Variants in PRKCB observed in about 807,000 individuals in gnomAD.
PRKCB encodes the protein protein kinase C beta type.
A neutral mutation model predicts 81.5 loss-of-function variants in PRKCB; 13 were observed. That is an observed-to-expected ratio of 0.16 (90% CI 0.10 to 0.25). The LOEUF is 0.25. PRKCB is among the 10% of genes least tolerant of loss of function. The probability of loss-of-function intolerance (pLI) is 1.00; values close to 1 mark genes in which losing one functional copy is unlikely to be tolerated. For missense variants in PRKCB, 509 were observed against 875.7 expected (o/e 0.58, Z 5.29); for synonymous variants, 335 against 321.4 (o/e 1.04, Z -0.45).
intron 2 of PRKCB, among the ~76,000 whole-genome samples, chr16:23,958,242 T>C (rs954434940): frequency 1.3e-5 from 2 of 152,192 alleles, no homozygotes; most frequent in Non-Finnish European, 2.9e-5. Context: ...TCTGCCCACC[T>C]TGGCCTCCCA....
intron 2 of PRKCB, among the ~76,000 whole-genome samples, chr16:23,900,718 G>GTTTTTTTTTTTTTTTTTTTTTT (rs56897816): frequency 3.2e-5 from 2 of 62,266 alleles, no homozygotes; most frequent in African/African-American, 1.4e-4. Context: ...AGCTGCACAG[G>GTTTTTTTTTTTTTTTTTTTTTT]TTTTTTTTTT....
intron 2 of PRKCB, among the ~76,000 whole-genome samples, chr16:23,967,419 C>T (rs1021059762): frequency 2.0e-5 from 3 of 152,114 alleles, no homozygotes; most frequent in Non-Finnish European, 2.9e-5. Context: ...GGACAGCCAC[C>T]TTTGAAGCCA....
At chr16:23,952,855 A>G (rs1300068964) in intron 2 of PRKCB, among the ~76,000 whole-genome samples, 1 of 152,108 alleles carries the variant, frequency 6.6e-6, no homozygotes, top group Admixed American at 6.5e-5. Context: ...TGATGGAGGG[A>G]AGCTGGCTCA....
intron 2 of PRKCB, among the ~76,000 whole-genome samples, chr16:23,896,318 CTT>C (rs1195829916): frequency 6.6e-6 from 1 of 152,164 alleles, no homozygotes; most frequent in Non-Finnish European, 1.5e-5. Context: ...CCATTTCCCT[CTT>C]ATTGAATTAA....
At chr16:24,176,334 G>C (rs1444758402) in intron 12 of PRKCB, among the ~76,000 whole-genome samples, 1 of 152,164 alleles carries the variant, frequency 6.6e-6, no homozygotes, top group African/African-American at 2.4e-5. Flanking sequence ...GATCACTTGA[G>C]CCCAGGAGTT....
intron 5 of PRKCB, among the ~76,000 whole-genome samples, chr16:24,054,621 G>A (rs1193803542): frequency 6.6e-6 from 1 of 152,178 alleles, no homozygotes; most frequent in Non-Finnish European, 1.5e-5. Flanking sequence ...CCAAGAAGGG[G>A]AGCTGTGTGT....
chr16:23,864,956 G>A (rs1013871702), intron 2 of PRKCB, among the ~76,000 whole-genome samples: 2 of 151,908 alleles, frequency 1.3e-5, no homozygotes, highest in African/African-American at 4.8e-5. Context: ...CCAATGTTTA[G>A]TTCCCACTTC....
At chr16:23,861,191 C>T (rs1962658198) in intron 2 of PRKCB, among the ~76,000 whole-genome samples, 1 of 149,636 alleles carries the variant, frequency 6.7e-6, no homozygotes, top group East Asian at 2.0e-4. Context: ...TTTTTTGAGA[C>T]AAGGTCTTGC....
At chr16:24,045,863 T>G (rs1965757181) in intron 5 of PRKCB, among the ~76,000 whole-genome samples, 2 of 152,238 alleles carry the variant, frequency 1.3e-5, no homozygotes, top group Non-Finnish European at 2.9e-5. Flanking sequence ...ATGGCAGGCC[T>G]TACCTGCGCT....
chr16:23,945,784 T>A (rs529722289), intron 2 of PRKCB, among the ~76,000 whole-genome samples: 99 of 151,550 alleles, frequency 6.5e-4, no homozygotes, highest in African/African-American at 2.3e-3. Flanking sequence ...AAACAAACAA[T>A]GAACAACCCT....
At chr16:24,086,600 G>T (rs1440602965) in intron 5 of PRKCB, among the ~76,000 whole-genome samples, 1 of 152,176 alleles carries the variant, frequency 6.6e-6, no homozygotes, top group Non-Finnish European at 1.5e-5. Context: ...CTGAAAGCCA[G>T]GGCAATAGAT....
chr16:23,932,581 C>T (rs1010134283), intron 2 of PRKCB, among the ~76,000 whole-genome samples: 1 of 152,212 alleles, frequency 6.6e-6, no homozygotes, highest in Non-Finnish European at 1.5e-5. Flanking sequence ...TGCCAGCTAG[C>T]CTCCATCAAC....
chr16:24,076,015 A>C (rs1224850944), intron 5 of PRKCB, among the ~76,000 whole-genome samples: 1 of 152,156 alleles, frequency 6.6e-6, no homozygotes, highest in East Asian at 1.9e-4. Context: ...CTATGTATAC[A>C]TGTGCCATGT....
At chr16:23,876,728 AC>A (rs1963019785) in intron 2 of PRKCB, among the ~76,000 whole-genome samples, 4 of 59,248 alleles carry the variant, frequency 6.8e-5, no homozygotes, top group Non-Finnish European at 1.4e-4. Context: ...GAAGAGTTGA[AC>A]TAATTTAAGG....
At chr16:24,074,775 T>A (rs1966157787) in intron 5 of PRKCB, among the ~76,000 whole-genome samples, 1 of 152,056 alleles carries the variant, frequency 6.6e-6, no homozygotes, top group Non-Finnish European at 1.5e-5. Flanking sequence ...GATGCAACGG[T>A]CTAAGCTGCT....
intron 5 of PRKCB, among the ~76,000 whole-genome samples, chr16:24,039,195 G>A (rs1359491406): frequency 1.3e-5 from 2 of 152,100 alleles, no homozygotes; most frequent in East Asian, 3.9e-4. Context: ...CCAGCCCCCA[G>A]AACTGTGAAG....
chr16:24,015,228 C>G (rs1476760731), intron 3 of PRKCB, among the ~76,000 whole-genome samples: 1 of 152,158 alleles, frequency 6.6e-6, no homozygotes, highest in Non-Finnish European at 1.5e-5. Context: ...AGTGTCTGCT[C>G]CAGCACTGTC....
At chr16:23,944,536 A>G (rs972847120) in intron 2 of PRKCB, among the ~76,000 whole-genome samples, 3 of 152,188 alleles carry the variant, frequency 2.0e-5, no homozygotes, top group Admixed American at 6.5e-5. Flanking sequence ...CCAAGAATCT[A>G]ACTCTACTTA....
At chr16:24,052,433 C>T (rs7500298) in intron 5 of PRKCB, among the ~76,000 whole-genome samples, 53,286 of 152,112 alleles carry the variant, frequency 0.35, 11,896 homozygotes, top group African/African-American at 0.64. Context: ...AGCAAGCTTA[C>T]TAAGAAAGTA....
Sources: gnomAD v4.1 joint callset for allele counts (sites outside exome capture counted in the v4.1 genomes callset) on GRCh38, gnomAD v4.1.1 for gene constraint, MANE v1.5 for transcripts, NCBI Gene and HGNC (gene_info 2026-07-23, HGNC 2026-07-21) for gene names.